The following TBC1D14 variants were observed in gnomAD, a reference collection of about 807,000 sequenced individuals.
The protein encoded by TBC1D14 is TBC1 domain family, member 14.
TBC1D14 carries 26 observed loss-of-function variants against 79.0 expected under a neutral mutation model. The ratio of observed to expected loss-of-function variants is 0.33; its 90% CI spans 0.24 to 0.46. The LOEUF is 0.46. Among genes scored for constraint, TBC1D14 ranks in the 20% least tolerant of loss-of-function variants. The pLI, the probability that TBC1D14 is intolerant of heterozygous loss-of-function variation, is 1.00. For missense variants in TBC1D14, 769 were observed against 887.6 expected (o/e 0.87, Z 1.70); for synonymous variants, 394 against 349.9 (o/e 1.13, Z -1.40).
At position 7,025,396 on chromosome 4, in the gene TBC1D14, C is replaced by A. The variant is rs572353105; in HGVS notation, c.2016+134C>A. ...GTCCCTGGGCTGGAACTGAGGGGGG[C>A]CGGGTGGAGACGTGGCTGTGCCACA... is the stretch of plus-strand genomic sequence containing the variant. On this transcript the variant is annotated intron_variant, in intron 13 of 13. Transcript: ENST00000409757. 2.8e-6 allele frequency: 4 copies of A among 1,407,922 alleles called. No individual in the cohort carries two copies. In the East Asian group the frequency reaches 9.7e-5, roughly 34 times the overall value. The allele number at this position is 1,407,922 out of a possible 1,614,324, so 87.2% of individuals were successfully genotyped here.
At chr4:6,921,986 C>T (rs929587114) in intron 1 of TBC1D14, among the ~76,000 whole-genome samples, 2 of 152,124 alleles carry the variant, frequency 1.3e-5, no homozygotes, top group African/African-American at 2.4e-5. Context: ...TGAGCCACTG[C>T]GCCCGGCCAT....
At chr4:6,949,760 TG>T (rs1194725168) in intron 2 of TBC1D14, among the ~76,000 whole-genome samples, 1 of 151,886 alleles carries the variant, frequency 6.6e-6, no homozygotes, top group African/African-American at 2.4e-5. Context: ...GTTTTGTTTT[TG>T]TTTTTTTTTT....
At position 6,967,377 on chromosome 4, in the gene TBC1D14, G is replaced by A. The variant is rs1331075065; in HGVS notation, c.796G>A (p.Ala266Thr). The part of the protein sequence containing the change: ...NDLGWKLFGK[A>T]PLRENAQKDS... ...CTTGGGATGGAAGTTATTTGGGAAA[G>A]CGCCACTCCGAGAGAATGCCCAGAA... Residue 266 changes from alanine (A) to threonine (T), a missense_variant, in exon 3 of 14, where the codon GCG becomes ACG. Ala to Thr is a moderately conservative substitution (Grantham distance 58, BLOSUM62 0). Around this residue, in one of 2 missense-constraint regions of TBC1D14, gnomAD observed 402 missense variants for 393.2 expected, o/e 1.02. Coordinates refer to ENST00000409757, the MANE Select transcript of TBC1D14 (RefSeq NM_020773.3). 53 of 1,613,952 alleles carry A rather than the reference G, an allele frequency of 3.3e-5. No homozygotes were observed. The highest frequency in any genetic ancestry group is 4.5e-5 in the Non-Finnish European group (53 of 1,180,018).
rs538006636 is a variant in TBC1D14, at chr4:6,968,735, T to TGCG, written c.843+1312_843+1314dup. On this transcript the variant is annotated intron_variant, in intron 3 of 13. Transcript: ENST00000409757. ...GGGAGGAGGCTGGCCATGGGGCCTG[T>TGCG]GCGCTGCACCCGGTAGCCTGCCTCC... Among the ~76,000 whole-genome samples, 97 of 93,762 alleles carry TGCG rather than the reference T, an allele frequency of 1.0e-3. 1 individual carries two copies. The highest frequency in any genetic ancestry group is 0.013 in the Middle Eastern group (2 of 156). The allele number at this position is 93,762 out of a possible 152,430, so 61.5% of individuals were successfully genotyped here. A position where few individuals can be genotyped will look rare whatever the true frequency, so the allele number is the denominator to read the frequency against.
At chr4:7,009,675 C>T (rs560494831) in intron 9 of TBC1D14, among the ~76,000 whole-genome samples, 3 of 152,314 alleles carry the variant, frequency 2.0e-5, no homozygotes, top group South Asian at 2.1e-4. Flanking sequence ...AGTTACATAG[C>T]GTGAGCTGCA....
intron 3 of TBC1D14, among the ~76,000 whole-genome samples, chr4:6,982,458 G>C (rs1717465428): frequency 6.6e-6 from 1 of 152,080 alleles, no homozygotes; most frequent in African/African-American, 2.4e-5. Flanking sequence ...GACTACCGAG[G>C]GCTAACACAA....
At chr4:7,001,334 G>T in intron 7 of TBC1D14, 83 bp downstream of exon 7, 2 of 1,142,272 alleles carry the variant, frequency 1.8e-6, no homozygotes. Context: ...GGAAAGAATG[G>T]CAGCCATTGC....
At chr4:6,983,383 C>A (rs540265849) in intron 3 of TBC1D14, among the ~76,000 whole-genome samples, 9 of 152,276 alleles carry the variant, frequency 5.9e-5, no homozygotes, top group African/African-American at 1.7e-4. Context: ...CCCCAAGATA[C>A]AACTCACAGA....
intron 1 of TBC1D14, among the ~76,000 whole-genome samples, chr4:6,914,518 G>A (rs1362051375): frequency 3.3e-5 from 5 of 152,116 alleles, no homozygotes; most frequent in African/African-American, 4.8e-5. Flanking sequence ...TGAGTGCCTC[G>A]GCTACTCAGG....
intron 12 of TBC1D14, among the ~76,000 whole-genome samples, chr4:7,016,146 GA>G (rs1369712898): frequency 6.6e-6 from 1 of 152,160 alleles, no homozygotes; most frequent in Non-Finnish European, 1.5e-5. Context: ...CGAAACCCTG[GA>G]CTGTTCTCAC....
rs1720312080 is a variant in TBC1D14 at position 7,007,411 on chromosome 4, A to C, written c.1446+685A>C. ...CTATTCTTTGAGCCAGCAGACGTTAATCTGGGGATCTTTTGATCCCTTTCT... is the reference window on the plus strand; with the variant it reads ...CTATTCTTTGAGCCAGCAGACGTTACTCTGGGGATCTTTTGATCCCTTTCT... On this transcript the variant is annotated intron_variant, in intron 9 of 13. Coordinates refer to ENST00000409757, the MANE Select transcript of TBC1D14 (RefSeq NM_020773.3). 1.3e-5 allele frequency: 7 copies of C among 536,456 alleles called. No homozygotes were observed. In the South Asian group the frequency reaches 1.3e-4, roughly 10 times the overall value. 33.2% of individuals were successfully genotyped at this position (536,456 alleles called of 1,614,324 possible). A position where few individuals can be genotyped will look rare whatever the true frequency, so the allele number is the denominator to read the frequency against.
chr4:6,977,157 C>T (rs1371614013), intron 3 of TBC1D14, among the ~76,000 whole-genome samples: 1 of 114,710 alleles, frequency 8.7e-6, no homozygotes, highest in Non-Finnish European at 1.9e-5. Context: ...TCCACGGTCT[C>T]CCCCTGATGC....
chr4:6,994,108 A>G, intron 3 of TBC1D14, 76 bp from the exon 4 acceptor site: 1 of 1,302,302 alleles, frequency 7.7e-7, no homozygotes, highest in Non-Finnish European at 1.1e-6. Context: ...TTCATGACAA[A>G]ACAACTTTCT....
chr4:6,933,237 ACCTCCCCTCCCCTCCCCTCC>A (rs1253509829), intron 2 of TBC1D14, among the ~76,000 whole-genome samples: 1 of 24,280 alleles, frequency 4.1e-5, no homozygotes, highest in Admixed American at 5.2e-4. Context: ...ATTGAGAATT[ACCTCCCCTCCCCTCCCCTCC>A]CCTCCCCTCC....
At position 6,996,284 on chromosome 4, in the gene TBC1D14, C is replaced by A. The variant is rs779025593; in HGVS notation, c.963-41C>A. ...AGGTTTTTTCTGAAAGACTTCTATG[C>A]GGTATTTATAATGGTGAAAACTCAT... On this transcript the variant is annotated intron_variant, in intron 4 of 13. Transcript: ENST00000409757. The A allele has an allele frequency of 2.1e-5, 32 of 1,503,078 alleles. No individual in the cohort carries two copies. The Admixed American group carries it at 3.2e-4, about 15-fold the overall frequency. 93.1% of individuals were successfully genotyped at this position (1,503,078 alleles called of 1,614,324 possible).
intron 2 of TBC1D14, among the ~76,000 whole-genome samples, chr4:6,953,514 C>G (rs1417014970): frequency 7.0e-6 from 1 of 143,794 alleles, no homozygotes; most frequent in African/African-American, 2.5e-5. Flanking sequence ...GCCTGTAGTC[C>G]CAGCTACTCG....
chr4:6,934,826 C>A (rs1048688844), intron 2 of TBC1D14, among the ~76,000 whole-genome samples: 1 of 152,094 alleles, frequency 6.6e-6, no homozygotes, highest in East Asian at 1.9e-4. Flanking sequence ...ACCTGTAATC[C>A]CAGCACTTTG....
intron 3 of TBC1D14, chr4:6,987,416 C>T (rs1027109878): frequency 1.5e-6 from 2 of 1,294,900 alleles, no homozygotes; most frequent in Non-Finnish European, 2.0e-6. Flanking sequence ...TGGGCCTGTC[C>T]TGTCCTGGGC....
At chr4:6,984,874 C>T (rs980768075) in intron 3 of TBC1D14, among the ~76,000 whole-genome samples, 2 of 152,196 alleles carry the variant, frequency 1.3e-5, no homozygotes, top group Non-Finnish European at 2.9e-5. Context: ...TCTGGCTGAC[C>T]TTGGACTCGG....
Sources: allele counts gnomAD v4.1 joint callset (sites outside exome capture counted in the v4.1 genomes callset), GRCh38; gene constraint gnomAD v4.1.1; regional missense constraint gnomAD v4.1.1; transcripts MANE v1.5; gene names NCBI Gene and HGNC (gene_info 2026-07-23, HGNC 2026-07-21).